The following BRAP variants were observed in gnomAD, a reference collection of about 807,000 sequenced individuals.
BRAP encodes the protein BRCA1-associated protein.
BRAP carries 42 observed loss-of-function variants against 73.4 expected under a neutral mutation model. The ratio of observed to expected loss-of-function variants is 0.57; its 90% CI spans 0.45 to 0.74. BRAP has a LOEUF of 0.74. Among genes scored for constraint, BRAP ranks in the 30% least tolerant of loss-of-function variants. BRAP has a pLI of 0.00. For missense variants in BRAP, 593 were observed against 751.4 expected (o/e 0.79, Z 2.46); for synonymous variants, 255 against 267.4 (o/e 0.95, Z 0.45).
chr12:111,667,818 G>C (rs1386944376), intron 5 of BRAP, among the ~76,000 whole-genome samples: 1 of 151,494 alleles, frequency 6.6e-6, no homozygotes, highest in Non-Finnish European at 1.5e-5. Context: ...GTTTGAAGAT[G>C]CATTTTCTTT....
At chr12:111,651,179 TC>T (rs1566111107) in intron 10 of BRAP, among the ~76,000 whole-genome samples, 224 of 152,020 alleles carry the variant, frequency 1.5e-3, no homozygotes, top group African/African-American at 5.3e-3. Context: ...TTCTTTTTAA[TC>T]ATTTTCCATA....
chr12:111,679,691 C>T (rs1242810635), intron 3 of BRAP, among the ~76,000 whole-genome samples: 6 of 151,676 alleles, frequency 4.0e-5, no homozygotes, highest in Admixed American at 1.3e-4. Context: ...CTGGCTAACA[C>T]GGTGAAACCC....
In BRAP at chr12:111,681,704, T is replaced by C; in HGVS notation, c.376A>G (p.Ile126Val). The C allele has an allele frequency of 3.1e-6, 5 of 1,613,868 alleles. No homozygotes were observed. The highest frequency in any genetic ancestry group is 4.2e-6 in the Non-Finnish European group (5 of 1,179,956). ...GATGGATTTCCACTGAAGAATGAAA[T>C]CTGGTCTGGAAGCTGTTTGGACGGA... Reference protein sequence around the residue: ...DSPSKQLPDQISFFSGNPSVE... With the variant: ...DSPSKQLPDQVSFFSGNPSVE... The change falls in exon 3 of 12, where the codon ATT becomes GTT. Residue 126 changes from isoleucine (I) to valine (V), a missense_variant. Around this residue, in one of 4 missense-constraint regions of BRAP, gnomAD observed 304 missense variants for 337.7 expected, o/e 0.90. Coordinates refer to ENST00000419234, the MANE Select transcript of BRAP (RefSeq NM_006768.5).
chr12:111,642,650 TAG>T lies in BRAP; in HGVS notation c.*1547_*1548del. ...GTGTAAAAATAGATTTTAAATAAAA[TAG>T]AATCTCTATAGGAAAGAGAATTAGG... is the stretch of plus-strand genomic sequence containing the variant. On this transcript the variant is annotated 3_prime_UTR_variant, in exon 12 of 12. Transcript: ENST00000419234. 1 of 152,296 alleles carries T rather than the reference TAG, an allele frequency of 6.6e-6. No individual in the cohort carries two copies. Among genetic ancestry groups the T allele is most frequent in the East Asian group, 1.9e-4 (1 of 5,196 alleles). 9.4% of individuals were successfully genotyped at this position (152,296 alleles called of 1,614,324 possible).
intron 5 of BRAP, among the ~76,000 whole-genome samples, chr12:111,667,353 C>T (rs1886983420): frequency 6.6e-6 from 1 of 152,122 alleles, no homozygotes; most frequent in Admixed American, 6.6e-5. Context: ...AATGTTTATA[C>T]TGTATGCTTC....
rs137966726 is a variant in BRAP, at chr12:111,656,802, C to G, written c.1222-1147G>C. Among the ~76,000 whole-genome samples, 525 of 152,164 alleles carry G rather than the reference C, an allele frequency of 3.5e-3. 4 individuals carry two copies. Among genetic ancestry groups the G allele is most frequent in the African/African-American group, 0.012 (500 of 41,506 alleles). The stretch of plus-strand genomic sequence containing the variant: ...AGGTTGGAATGCAGTGGTGCAATCA[C>G]GACTCACTGCAACCTCAACCTCTTG... On this transcript the variant is annotated intron_variant, in intron 9 of 11. Transcript: ENST00000419234.
chr12:111,661,357 G>A (rs981445180), intron 6 of BRAP, among the ~76,000 whole-genome samples: 2 of 147,534 alleles, frequency 1.4e-5, no homozygotes, highest in Admixed American at 1.4e-4. Context: ...TCAGCTCACT[G>A]CAACCTCAGC....
At chr12:111,668,480 C>T (rs1011597575) in intron 5 of BRAP, among the ~76,000 whole-genome samples, 1 of 151,968 alleles carries the variant, frequency 6.6e-6, no homozygotes, top group Admixed American at 6.6e-5. Flanking sequence ...GGTGGAAATG[C>T]TTACAGCAAC....
chr12:111,649,356 T>C (rs1886234525), intron 11 of BRAP, among the ~76,000 whole-genome samples: 1 of 152,168 alleles, frequency 6.6e-6, no homozygotes, highest in Non-Finnish European at 1.5e-5. Flanking sequence ...TTTTACCATG[T>C]TGTCCAGGCT....
intron 10 of BRAP, among the ~76,000 whole-genome samples, chr12:111,654,711 C>T (rs1388280946): frequency 6.6e-6 from 1 of 152,180 alleles, no homozygotes; most frequent in East Asian, 1.9e-4. Context: ...CTGCTAAGCT[C>T]CAGGATATTC....
chr12:111,667,120 T>C lies in BRAP; in HGVS notation c.748-1333A>G, dbSNP rs190435974. On this transcript the variant is annotated intron_variant, in intron 5 of 11. Transcript: ENST00000419234. ...CATTAAAGTAAGTTAAATTCATGTA[T>C]TTTGATATAATTAAATCATGTAAGA... 3.9e-5 allele frequency among the ~76,000 whole-genome samples: 6 copies of C among 152,266 alleles called. No individual in the cohort carries two copies. The East Asian group carries it at 1.2e-3, about 29-fold the overall frequency.
At chr12:111,671,146 C>G (rs1887156004) in intron 5 of BRAP, among the ~76,000 whole-genome samples, 2 of 151,700 alleles carry the variant, frequency 1.3e-5, no homozygotes, top group African/African-American at 2.4e-5. Flanking sequence ...TAAAATATAT[C>G]TTAAAATAAA....
intron 10 of BRAP, among the ~76,000 whole-genome samples, chr12:111,654,880 C>T (rs1251623689): frequency 1.3e-5 from 2 of 152,118 alleles, no homozygotes; most frequent in East Asian, 1.9e-4. Context: ...AACACTGTCC[C>T]TAGGTCCAAA....
At chr12:111,685,447 T>G (rs1887781647) in intron 1 of BRAP, 1 of 692,074 alleles carries the variant, frequency 1.4e-6, no homozygotes. Flanking sequence ...ACCACTCGAC[T>G]ATCTCGAGAG....
intron 6 of BRAP, among the ~76,000 whole-genome samples, chr12:111,664,247 A>T (rs1385689181): frequency 2.0e-5 from 3 of 152,170 alleles, no homozygotes; most frequent in African/African-American, 7.2e-5. Flanking sequence ...CGAGAGGATC[A>T]CTTGAGCCCA....
chr12:111,681,370 C>CAA (rs80154506), intron 3 of BRAP, among the ~76,000 whole-genome samples: 2 of 125,358 alleles, frequency 1.6e-5, no homozygotes, highest in Admixed American at 8.1e-5. Flanking sequence ...AACTCCATTT[C>CAA]AAAAAAAAAA....
At position 111,678,204 on chromosome 12, in the gene BRAP, G is replaced by A. The variant is rs576083199; in HGVS notation, c.633+947C>T. On this transcript the variant is annotated intron_variant, in intron 4 of 11. Coordinates refer to ENST00000419234, the MANE Select transcript of BRAP (RefSeq NM_006768.5). ...GTGGAGGTTGCTGTGAGCTGAGATC[G>A]TGCCATTGCACTCCAGCCTGGGCAA... Among the ~76,000 whole-genome samples, 9 of 145,668 alleles carry A rather than the reference G, an allele frequency of 6.2e-5. No individual in the cohort carries two copies. In the East Asian group the frequency reaches 1.0e-3, roughly 17 times the overall value.
intron 2 of BRAP, among the ~76,000 whole-genome samples, chr12:111,682,497 C>CAAAAAAAAAAAAAA (rs11366915): frequency 3.9e-5 from 3 of 77,896 alleles, no homozygotes; most frequent in Admixed American, 1.5e-4. Flanking sequence ...GAGACTGTCT[C>CAAAAAAAAAAAAAA]AAAAAAAAAA....
chr12:111,664,261 G>A (rs995194188), intron 6 of BRAP, among the ~76,000 whole-genome samples: 3 of 152,296 alleles, frequency 2.0e-5, no homozygotes. Flanking sequence ...GAGCCCAGGA[G>A]TTTGAGGAGG....
Sources: gnomAD v4.1 joint callset for allele counts (sites outside exome capture counted in the v4.1 genomes callset) on GRCh38, gnomAD v4.1.1 for gene constraint, gnomAD v4.1.1 regional missense constraint, MANE v1.5 for transcripts, NCBI Gene and HGNC (gene_info 2026-07-23, HGNC 2026-07-21) for gene names.